The following ZFPM1 variants were observed in gnomAD, a reference collection of about 807,000 sequenced individuals.
ZFPM1 encodes the protein zinc finger protein, FOG family member 1.
ZFPM1 carries 28 observed loss-of-function variants against 46.3 expected under a neutral mutation model. That is an observed-to-expected ratio of 0.60 (90% CI 0.45 to 0.83). ZFPM1 has a LOEUF of 0.83. Among genes scored for constraint, ZFPM1 ranks in the 40% least tolerant of loss-of-function variants. ZFPM1 has a pLI of 0.00. For synonymous variants in ZFPM1, 957 were observed against 675.9 expected, an observed-to-expected ratio of 1.42 and a Z score of -6.45; for missense variants, 1,878 against 1,432.4, an observed-to-expected ratio of 1.31 and a Z score of -5.02.
In ZFPM1 at chr16:88,534,562, C is replaced by A; in HGVS notation, c.2604C>A (p.Asp868Glu). The A allele has an allele frequency of 1.5e-6, 2 of 1,323,038 alleles. No individual in the cohort carries two copies. The highest frequency in any genetic ancestry group is 3.8e-5 in the Admixed American group (1 of 26,072). The allele number at this position is 1,323,038 out of a possible 1,614,324, so 82.0% of individuals were successfully genotyped here. A position where few individuals can be genotyped will look rare whatever the true frequency, so the allele number is the denominator to read the frequency against. The change falls in exon 10 of 10, where the codon GAC becomes GAA. Residue 868 changes from aspartate (D) to glutamate (E), a missense_variant. Transcript: ENST00000319555. ...YCPPNGPVRG[D>E]LLEHFRLAHG... Reference sequence around the variant, plus strand: ...CCCCGAACGGCCCGGTGCGCGGGGACCTGCTGGAGCATTTCCGCCTGGCGC... The same window carrying A: ...CCCCGAACGGCCCGGTGCGCGGGGAACTGCTGGAGCATTTCCGCCTGGCGC...
At chr16:88,508,750 C>T (rs1281055873) in intron 3 of ZFPM1, among the ~76,000 whole-genome samples, 1 of 152,196 alleles carries the variant, frequency 6.6e-6, no homozygotes, top group African/African-American at 2.4e-5. Flanking sequence ...TCCCCCCTCC[C>T]CTTCTGTCGC....
At chr16:88,466,514 C>T (rs1214735459) in intron 1 of ZFPM1, among the ~76,000 whole-genome samples, 2 of 152,174 alleles carry the variant, frequency 1.3e-5, no homozygotes, top group Non-Finnish European at 2.9e-5. Flanking sequence ...GGGGCTCACC[C>T]GTACCTTTCA....
At chr16:88,487,531 C>T (rs551421225) in intron 2 of ZFPM1, among the ~76,000 whole-genome samples, 15 of 152,122 alleles carry the variant, frequency 9.9e-5, no homozygotes, top group African/African-American at 2.2e-4. Context: ...CCAAGGCCAA[C>T]GGGGGTGGGG....
chr16:88,502,422 C>T (rs1322724259), intron 3 of ZFPM1, among the ~76,000 whole-genome samples: 8 of 152,138 alleles, frequency 5.3e-5, no homozygotes, highest in Non-Finnish European at 7.4e-5. Flanking sequence ...CGCCTCTGTG[C>T]TTGCCCCTCC....
intron 3 of ZFPM1, among the ~76,000 whole-genome samples, chr16:88,502,281 C>T (rs1378906465): frequency 1.3e-5 from 2 of 152,046 alleles, no homozygotes; most frequent in African/African-American, 4.8e-5. Flanking sequence ...GCCTGAGATG[C>T]GGCAAGATGC....
intron 3 of ZFPM1, among the ~76,000 whole-genome samples, chr16:88,489,531 G>C (rs1029845971): frequency 6.6e-6 from 1 of 152,204 alleles, no homozygotes; most frequent in East Asian, 1.9e-4. Flanking sequence ...CTTCCCAGCT[G>C]GGCCGGGATT....
In ZFPM1 at chr16:88,471,282, C is replaced by T. The variant is rs1482863468; in HGVS notation, c.41-14657C>T. ...TGCAGCCATGTGTGACCTCCACCCT[C>T]GCGAAGGCCAGCGGCCGCAGGGTCT... On this transcript the variant is annotated intron_variant, in intron 1 of 9. Transcript: ENST00000319555. The surrounding 1 kb of genome is among the most constrained non-coding windows in gnomAD (Gnocchi z 4.1). Among the ~76,000 whole-genome samples, 1 of 152,248 alleles carries T rather than the reference C, an allele frequency of 6.6e-6. No individual in the cohort carries two copies. The highest frequency in any genetic ancestry group is 1.5e-5 in the Non-Finnish European group (1 of 68,036).
chr16:88,507,922 G>A (rs1910748722), intron 3 of ZFPM1, among the ~76,000 whole-genome samples: 1 of 152,170 alleles, frequency 6.6e-6, no homozygotes, highest in African/African-American at 2.4e-5. Flanking sequence ...CCCTCCTCTG[G>A]GCCTTGGTTG....
At chr16:88,524,999 T>C (rs915940149) in intron 4 of ZFPM1, among the ~76,000 whole-genome samples, 3 of 152,194 alleles carry the variant, frequency 2.0e-5, no homozygotes, top group African/African-American at 4.8e-5. Flanking sequence ...AGCCGTGTGG[T>C]AGCAGGCAGG....
At position 88,535,155 on chromosome 16, in the gene ZFPM1, G is replaced by C. The variant is rs62049008; in HGVS notation, c.*176G>C. On this transcript the variant is annotated 3_prime_UTR_variant, in exon 10 of 10. Coordinates refer to ENST00000319555, the MANE Select transcript of ZFPM1 (RefSeq NM_153813.3). ...CCTTGGCACTTAATAAAGAAGTTCA[G>C]TTTGATGAGCATGGTGGTGGGCCAG... is the stretch of plus-strand genomic sequence containing the variant. 155 of 736,168 alleles carry C rather than the reference G, an allele frequency of 2.1e-4. No individual in the cohort carries two copies. Among genetic ancestry groups the C allele is most frequent in the Non-Finnish European group, 2.6e-4 (140 of 531,022 alleles). 45.6% of individuals were successfully genotyped at this position (736,168 alleles called of 1,614,324 possible). A position where few individuals can be genotyped will look rare whatever the true frequency, so the allele number is the denominator to read the frequency against.
In ZFPM1 at chr16:88,514,572, A is replaced by G. The variant is rs1414722289; in HGVS notation, c.402+52A>G. On this transcript the variant is annotated intron_variant, in intron 4 of 9. Transcript: ENST00000319555. ...CCCGCCCACCCCAATGCAGGGCAAC[A>G]TGGACCCAGGGGACAGGCCCAGCTT... is the stretch of plus-strand genomic sequence containing the variant. 11 of 1,470,036 alleles carry G rather than the reference A, an allele frequency of 7.5e-6. No homozygotes were observed. The East Asian group carries it at 1.4e-4, about 18-fold the overall frequency. The allele number at this position is 1,470,036 out of a possible 1,614,324, so 91.1% of individuals were successfully genotyped here. A position where few individuals can be genotyped will look rare whatever the true frequency, so the allele number is the denominator to read the frequency against.
chr16:88,517,476 GTGGATGGATGGATGGATGGA>G (rs142475772), intron 4 of ZFPM1, among the ~76,000 whole-genome samples: 6 of 130,842 alleles, frequency 4.6e-5, no homozygotes, highest in East Asian at 2.4e-4. Context: ...GGATGGCTGG[GTGGATGGATGGATGGATGGA>G]TGGATGGATG....
rs1011207164 is a variant in ZFPM1, at chr16:88,533,853, C to T, written c.1895C>T (p.Pro632Leu). Reference protein sequence around the residue: ...ARAPPGQPAEPDAPRSSPGPG... With the variant: ...ARAPPGQPAELDAPRSSPGPG... Reference sequence around the variant, plus strand: ...GCGCCCCCCGGCCAGCCCGCCGAACCCGACGCGCCGCGCTCGTCCCCGGGC... The same window carrying T: ...GCGCCCCCCGGCCAGCCCGCCGAACTCGACGCGCCGCGCTCGTCCCCGGGC... Residue 632 changes from proline to leucine, a missense_variant, in exon 10 of 10, where the codon CCC (proline) becomes CTC (leucine). By Grantham distance (98) the Pro-to-Leu change is moderately conservative. Coordinates refer to ENST00000319555, the MANE Select transcript of ZFPM1 (RefSeq NM_153813.3). The T allele has an allele frequency of 2.0e-6, 2 of 984,602 alleles. No homozygotes were observed. The highest frequency in any genetic ancestry group is 9.1e-5 in the South Asian group (2 of 21,936). The allele number at this position is 984,602 out of a possible 1,614,324, so 61.0% of individuals were successfully genotyped here.
At chr16:88,465,789 G>A (rs1254342959) in intron 1 of ZFPM1, among the ~76,000 whole-genome samples, 1 of 152,224 alleles carries the variant, frequency 6.6e-6, no homozygotes, top group Non-Finnish European at 1.5e-5. Context: ...GCGTCTGTCT[G>A]GATAAAGCCG....
At chr16:88,489,267 C>T in intron 3 of ZFPM1, 114 bp downstream of exon 3, 2 of 1,422,248 alleles carry the variant, frequency 1.4e-6, no homozygotes, top group Non-Finnish European at 1.8e-6. Flanking sequence ...TGGAGACCCA[C>T]CAGGCCCAGG....
At chr16:88,490,217 C>A (rs1909484469) in intron 3 of ZFPM1, among the ~76,000 whole-genome samples, 1 of 152,146 alleles carries the variant, frequency 6.6e-6, no homozygotes, top group African/African-American at 2.4e-5. Context: ...CCATGCCCGG[C>A]TAATTTTTCT....
intron 4 of ZFPM1, among the ~76,000 whole-genome samples, chr16:88,517,167 CGGATGGATGGGTAGATGGATGGAT>C (rs1567548062): frequency 7.9e-6 from 1 of 126,936 alleles, no homozygotes; most frequent in Non-Finnish European, 1.7e-5. Context: ...GGTAGGTGGA[CGGATGGATGGGTAGATGGATGGAT>C]GGATGGATGG....
intron 3 of ZFPM1, among the ~76,000 whole-genome samples, chr16:88,494,399 C>G (rs2142388234): frequency 6.6e-6 from 1 of 152,222 alleles, no homozygotes; most frequent in Non-Finnish European, 1.5e-5. Flanking sequence ...AGGGATCCAC[C>G]AGTGGGGTTG....
intron 4 of ZFPM1, among the ~76,000 whole-genome samples, chr16:88,517,212 G>A (rs1230655434): frequency 1.4e-5 from 2 of 140,238 alleles, no homozygotes; most frequent in African/African-American, 5.4e-5. Flanking sequence ...ATGGATGGAT[G>A]GATGGATGGA....
Sources: allele counts gnomAD v4.1 joint callset (sites outside exome capture counted in the v4.1 genomes callset), GRCh38; gene constraint gnomAD v4.1.1; non-coding constraint Gnocchi (gnomAD v3.1); transcripts MANE v1.5; gene names NCBI Gene and HGNC (gene_info 2026-07-23, HGNC 2026-07-21).